Variants in PAM observed in about 807,000 individuals in gnomAD.
PAM encodes peptidylglycine alpha-amidating monooxygenase, also known as peptidyl-glycine alpha-amidating monooxygenase.
A neutral mutation model predicts 122.1 loss-of-function variants in PAM; 72 were observed. The ratio of observed to expected loss-of-function variants is 0.59; its 90% CI spans 0.49 to 0.72. PAM has a LOEUF of 0.72. Ranked by LOEUF, PAM falls within the 30% of genes least tolerant of loss-of-function variation. The probability of loss-of-function intolerance (pLI) is 0.00; values close to 1 mark genes in which losing one functional copy is unlikely to be tolerated. For synonymous variants in PAM, 389 were observed against 404.4 expected, an observed-to-expected ratio of 0.96 and a Z score of 0.46; for missense variants, 1,106 against 1,183.7, an observed-to-expected ratio of 0.93 and a Z score of 0.96.
intron 4 of PAM, among the ~76,000 whole-genome samples, chr5:102,909,550 T>C (rs1047357174): frequency 2.0e-5 from 3 of 151,754 alleles, no homozygotes; most frequent in African/African-American, 7.2e-5. Context: ...TTACTGGTAA[T>C]TCGCCCGTGA....
chr5:102,871,058 G>A (rs1000201872), intron 3 of PAM, among the ~76,000 whole-genome samples: 1 of 152,192 alleles, frequency 6.6e-6, no homozygotes, highest in Non-Finnish European at 1.5e-5. Flanking sequence ...TTTCCATAAT[G>A]TTTATTGCCT....
intron 1 of PAM, among the ~76,000 whole-genome samples, chr5:102,814,304 G>A (rs892285165): frequency 1.3e-5 from 2 of 152,082 alleles, no homozygotes; most frequent in Non-Finnish European, 2.9e-5. Context: ...ATTTACTAAT[G>A]GTGTTATTAG....
intron 21 of PAM, among the ~76,000 whole-genome samples, chr5:103,011,479 T>C (rs921721918): frequency 2.2e-4 from 33 of 152,148 alleles, no homozygotes; most frequent in Non-Finnish European, 3.7e-4. Context: ...TTCAATTGTT[T>C]TGATTTTTAG....
chr5:102,811,034 A>T (rs780144733), intron 1 of PAM, among the ~76,000 whole-genome samples: 2 of 152,106 alleles, frequency 1.3e-5, no homozygotes, highest in African/African-American at 2.4e-5. Context: ...CCACCCTTCT[A>T]CAGGCCAGTT....
At chr5:102,807,735 T>G (rs1262141603) in intron 1 of PAM, among the ~76,000 whole-genome samples, 1 of 152,202 alleles carries the variant, frequency 6.6e-6, no homozygotes, top group Non-Finnish European at 1.5e-5. Context: ...TAAGGATGTT[T>G]GTAATGTGAC....
At chr5:102,887,849 A>C (rs1442303261) in intron 3 of PAM, among the ~76,000 whole-genome samples, 1 of 151,684 alleles carries the variant, frequency 6.6e-6, no homozygotes, top group African/African-American at 2.4e-5. Flanking sequence ...AACCTGGTAA[A>C]TACCTTCTCA....
chr5:102,782,416 C>T (rs1222706596), intron 1 of PAM, among the ~76,000 whole-genome samples: 2 of 151,970 alleles, frequency 1.3e-5, no homozygotes, highest in Admixed American at 1.3e-4. Context: ...TCCTTTATTG[C>T]AAAATGAGTT....
chr5:102,755,983 A>G (rs775216515), intron 1 of PAM, among the ~76,000 whole-genome samples: 1 of 152,132 alleles, frequency 6.6e-6, no homozygotes, highest in African/African-American at 2.4e-5. Flanking sequence ...CAGAATGGGA[A>G]GTATCCACCA....
At chr5:102,987,036 C>G (rs542349344) in intron 15 of PAM, among the ~76,000 whole-genome samples, 30 of 152,278 alleles carry the variant, frequency 2.0e-4, no homozygotes, top group Admixed American at 5.2e-4. Flanking sequence ...TTAGTGCAAT[C>G]ATTATACCAA....
intron 4 of PAM, among the ~76,000 whole-genome samples, chr5:102,904,349 T>G (rs1343441787): frequency 1.3e-5 from 2 of 151,640 alleles, no homozygotes; most frequent in African/African-American, 2.4e-5. Flanking sequence ...CCTTCTGTTT[T>G]CATTATCTGT....
intron 16 of PAM, among the ~76,000 whole-genome samples, chr5:103,001,417 C>T (rs1366985526): frequency 6.6e-6 from 1 of 151,896 alleles, no homozygotes; most frequent in Admixed American, 6.6e-5. Flanking sequence ...CCATAAATAT[C>T]TTATGAAATC....
chr5:102,796,167 A>G (rs988647095), intron 1 of PAM, among the ~76,000 whole-genome samples: 2 of 152,204 alleles, frequency 1.3e-5, no homozygotes, highest in Non-Finnish European at 2.9e-5. Flanking sequence ...TATTTGTTCA[A>G]GTTAATGAGG....
Position 102,940,145 on chromosome 5 carries a change from C to CACACAT in PAM, c.527-6686_527-6681dup, listed in dbSNP as rs1251473086. On this transcript the variant is annotated intron_variant, in intron 7 of 25. Coordinates refer to ENST00000438793, the MANE Select transcript of PAM (RefSeq NM_001177306.2). Reference sequence around the variant, plus strand: ...ACACACACACACACACACACACACACACACATACACACACACACATATATA... The same window carrying CACACAT: ...ACACACACACACACACACACACACACACACATACACATACACACACACACATATATA... 8.2e-5 allele frequency among the ~76,000 whole-genome samples: 12 copies of CACACAT among 146,620 alleles called. 1 individual carries two copies. The South Asian group carries it at 2.3e-3, about 28-fold the overall frequency.
chr5:102,881,459 C>G (rs998079216), intron 3 of PAM, among the ~76,000 whole-genome samples: 1 of 151,976 alleles, frequency 6.6e-6, no homozygotes, highest in African/African-American at 2.4e-5. Context: ...GGGACAGTTT[C>G]ATACATTGCT....
chr5:103,019,656 C>G lies in PAM; in HGVS notation c.2432-134C>G, dbSNP rs981208903. ...CCTAATTAGTGGTTTGTATTGAACT[C>G]TTTCCTAATATAATAATGCATTTGA... On this transcript the variant is annotated intron_variant, in intron 22 of 25. Transcript: ENST00000438793. The G allele has an allele frequency of 6.0e-6, 4 of 663,858 alleles. No individual in the cohort carries two copies. In the Admixed American group the frequency reaches 7.2e-5, roughly 12 times the overall value. 41.1% of individuals were successfully genotyped at this position (663,858 alleles called of 1,614,324 possible).
At chr5:102,805,297 T>C (rs556457981) in intron 1 of PAM, among the ~76,000 whole-genome samples, 24 of 152,248 alleles carry the variant, frequency 1.6e-4, no homozygotes, top group Middle Eastern at 3.4e-3. Context: ...CTTGAACTCC[T>C]GACCTCATGA....
intron 1 of PAM, among the ~76,000 whole-genome samples, chr5:102,813,651 G>A (rs1369293646): frequency 6.6e-6 from 1 of 152,154 alleles, no homozygotes; most frequent in African/African-American, 2.4e-5. Context: ...TATGAAGAAA[G>A]TTGTTTTACT....
At chr5:102,947,894 C>G (rs1053321409) in intron 8 of PAM, among the ~76,000 whole-genome samples, 3 of 151,850 alleles carry the variant, frequency 2.0e-5, no homozygotes, top group Non-Finnish European at 4.4e-5. Flanking sequence ...TGATTAAGTC[C>G]TAAATCCATT....
chr5:102,957,818 G>T (rs146360367), intron 12 of PAM, among the ~76,000 whole-genome samples: 1 of 152,144 alleles, frequency 6.6e-6, no homozygotes. Context: ...GTGAGCCATC[G>T]TGCCCGGCAG....
Sources: gnomAD v4.1 joint callset for allele counts (sites outside exome capture counted in the v4.1 genomes callset) on GRCh38, gnomAD v4.1.1 for gene constraint, MANE v1.5 for transcripts, NCBI Gene and HGNC (gene_info 2026-07-23, HGNC 2026-07-21) for gene names.